The following HMGCLL1 variants were observed in gnomAD, a reference collection of about 807,000 sequenced individuals.
HMGCLL1 encodes the protein 3-hydroxy-3-methylglutaryl-CoA lyase like 1, also known as 3-hydroxymethyl-3-methylglutaryl-CoA lyase, cytoplasmic.
A neutral mutation model predicts 39.1 loss-of-function variants in HMGCLL1; 36 were observed. The ratio of observed to expected loss-of-function variants is 0.92; its 90% CI spans 0.71 to 1.22. The LOEUF (loss-of-function observed/expected upper bound fraction) is 1.22. Among genes scored for constraint, HMGCLL1 ranks in the 50% most tolerant of loss-of-function variants. The probability of loss-of-function intolerance (pLI) is 0.00; values close to 1 mark genes in which losing one functional copy is unlikely to be tolerated. For synonymous variants in HMGCLL1, 149 were observed against 144.0 expected (o/e 1.03, Z -0.25); for missense variants, 451 against 416.5 (o/e 1.08, Z -0.72).
At chr6:55,501,300 T>G (rs976884310) in intron 5 of HMGCLL1, among the ~76,000 whole-genome samples, 1 of 151,914 alleles carries the variant, frequency 6.6e-6, no homozygotes, top group Non-Finnish European at 1.5e-5. Context: ...ATCCTGCCTA[T>G]TACTCTTTTA....
At chr6:55,599,183 A>G in the HMGCLL1 span, among the ~76,000 whole-genome samples, 1 of 148,844 alleles carries the variant, frequency 6.7e-6, no homozygotes, top group Non-Finnish European at 1.5e-5. Flanking sequence ...TGATGGGTGC[A>G]GCAAACCACC....
chr6:55,612,454 A>G, the HMGCLL1 span, among the ~76,000 whole-genome samples: 3 of 152,178 alleles, frequency 2.0e-5, no homozygotes, highest in African/African-American at 4.8e-5. Flanking sequence ...AACCTACTTT[A>G]AAATCCATGT....
At chr6:55,476,968 T>G in intron 7 of HMGCLL1, among the ~76,000 whole-genome samples, 1 of 111,460 alleles carries the variant, frequency 9.0e-6, no homozygotes, top group East Asian at 3.7e-4. Flanking sequence ...ATGAATTCGC[T>G]GTCCTTATGT....
the HMGCLL1 span, among the ~76,000 whole-genome samples, chr6:55,617,249 C>G: frequency 6.6e-6 from 1 of 152,076 alleles, no homozygotes; most frequent in Non-Finnish European, 1.5e-5. Flanking sequence ...TGCACCTGGA[C>G]ATATCTTTGT....
At chr6:55,653,594 A>C in the HMGCLL1 span, among the ~76,000 whole-genome samples, 1 of 152,182 alleles carries the variant, frequency 6.6e-6, no homozygotes, top group Admixed American at 6.5e-5. Context: ...TGAGGAAATA[A>C]AAAACTTTAA....
chr6:55,553,184 C>CAT (rs138173412), intron 1 of HMGCLL1, among the ~76,000 whole-genome samples: 94,862 of 134,156 alleles, frequency 0.71, 30,946 homozygotes, highest in Non-Finnish European at 0.75. Context: ...TACATACACA[C>CAT]ACACACACAC....
At chr6:55,641,581 A>G in the HMGCLL1 span, among the ~76,000 whole-genome samples, 1 of 152,132 alleles carries the variant, frequency 6.6e-6, no homozygotes, top group East Asian at 1.9e-4. Context: ...GGAAAACAGA[A>G]TTGGAAGAAG....
chr6:55,460,972 CAA>C (rs1207311511), intron 7 of HMGCLL1, among the ~76,000 whole-genome samples: 1 of 151,760 alleles, frequency 6.6e-6, no homozygotes, highest in Non-Finnish European at 1.5e-5. Context: ...ATATAAGACA[CAA>C]TATTTTTTCA....
chr6:55,589,107 G>C, the HMGCLL1 span, among the ~76,000 whole-genome samples: 36 of 152,114 alleles, frequency 2.4e-4, no homozygotes, highest in Admixed American at 2.3e-3. Flanking sequence ...AATGAAAAAA[G>C]AGAATTTTAG....
In HMGCLL1 at chr6:55,514,139, T is replaced by C; in HGVS notation, c.451A>G (p.Lys151Glu). ...TCAATGGAACAGTTAATATTCTTCT[T>C]GCTAAAGGATTCAGATGCAGCTCCA... is the stretch of plus-strand genomic sequence containing the variant. ...VFGAASESFS[K>E]KNINCSIEES... The change falls in exon 5 of 9, where the codon AAG (lysine) becomes GAG (glutamate). Residue 151 changes from lysine (K) to glutamate (E), a missense_variant. Coordinates refer to ENST00000274901, the MANE Select transcript of HMGCLL1 (RefSeq NM_001042406.2). 6.2e-7 allele frequency: 1 copy of C among 1,612,700 alleles called. No individual in the cohort carries two copies. The highest frequency in any genetic ancestry group is 8.5e-7 in the Non-Finnish European group (1 of 1,179,318).
the HMGCLL1 span, among the ~76,000 whole-genome samples, chr6:55,638,010 T>C: frequency 6.6e-6 from 1 of 152,244 alleles, no homozygotes; most frequent in African/African-American, 2.4e-5. Context: ...ATGATCTAAA[T>C]AGCTGTGACC....
In HMGCLL1 at chr6:55,579,183, G is replaced by C. The variant is rs1386637948; in HGVS notation, c.-128C>G. ...CGGTGCACTGGCTGTGAGGACCAGA[G>C]CTGTTCTGCGCACTGCGGCGGCGCC... On this transcript the variant is annotated 5_prime_UTR_variant, in exon 1 of 9. Coordinates refer to ENST00000274901, the MANE Select transcript of HMGCLL1 (RefSeq NM_001042406.2). 8.1e-5 allele frequency: 57 copies of C among 704,204 alleles called. No homozygotes were observed. 43.6% of individuals were successfully genotyped at this position (704,204 alleles called of 1,614,324 possible).
chr6:55,494,290 A>G (rs1182116924), intron 7 of HMGCLL1, among the ~76,000 whole-genome samples: 1 of 152,128 alleles, frequency 6.6e-6, no homozygotes, highest in Admixed American at 6.6e-5. Flanking sequence ...GTGTTAAAAT[A>G]TAGAAGATAT....
At chr6:55,591,684 GT>G in the HMGCLL1 span, among the ~76,000 whole-genome samples, 73,394 of 142,034 alleles carry the variant, frequency 0.52, 19,613 homozygotes, top group East Asian at 0.8. Flanking sequence ...ACTTAAGGAA[GT>G]TTTTTTTTTT....
At chr6:55,637,511 C>T in the HMGCLL1 span, among the ~76,000 whole-genome samples, 1 of 152,046 alleles carries the variant, frequency 6.6e-6, no homozygotes, top group South Asian at 2.1e-4. Flanking sequence ...TCAGCAACTC[C>T]CTTTTGACTT....
intron 7 of HMGCLL1, among the ~76,000 whole-genome samples, chr6:55,461,408 A>G (rs1764559720): frequency 1.3e-5 from 2 of 151,974 alleles, no homozygotes; most frequent in Non-Finnish European, 2.9e-5. Flanking sequence ...TCCACCAAAT[A>G]CTATTATTAC....
the HMGCLL1 span, among the ~76,000 whole-genome samples, chr6:55,619,124 G>GA: frequency 6.6e-6 from 1 of 152,062 alleles, no homozygotes; most frequent in Non-Finnish European, 1.5e-5. Flanking sequence ...AAGAGGGAGA[G>GA]GTCAAAGATA....
At chr6:55,504,010 T>C (rs1283842309) in intron 5 of HMGCLL1, among the ~76,000 whole-genome samples, 1 of 151,780 alleles carries the variant, frequency 6.6e-6, no homozygotes, top group African/African-American at 2.4e-5. Flanking sequence ...AGCATGGATT[T>C]GATTACATAT....
the HMGCLL1 span, among the ~76,000 whole-genome samples, chr6:55,660,790 T>C: frequency 6.6e-6 from 1 of 151,918 alleles, no homozygotes; most frequent in Non-Finnish European, 1.5e-5. Context: ...CTTTGAGGAA[T>C]TGCCACATCG....
Sources: gnomAD v4.1 joint callset for allele counts (sites outside exome capture counted in the v4.1 genomes callset) on GRCh38, gnomAD v4.1.1 for gene constraint, MANE v1.5 for transcripts, NCBI Gene and HGNC (gene_info 2026-07-23, HGNC 2026-07-21) for gene names.